Variants in COPS5 observed in about 807,000 individuals in gnomAD.
The protein encoded by COPS5 is COP9 signalosome subunit 5.
In COPS5, 8 loss-of-function variants were observed where a neutral mutation model predicts 44.4. The observed-to-expected ratio is 0.18, with a 90% confidence interval of 0.11 to 0.32. The LOEUF (loss-of-function observed/expected upper bound fraction) is 0.32. Ranked by LOEUF, COPS5 falls within the 10% of genes least tolerant of loss-of-function variation. The probability of loss-of-function intolerance (pLI) is 1.00; values close to 1 mark genes in which losing one functional copy is unlikely to be tolerated. For missense variants in COPS5, 159 were observed against 406.4 expected (o/e 0.39, Z 5.23); for synonymous variants, 122 against 142.8 (o/e 0.85, Z 1.04).
intron 7 of COPS5, 86 bp downstream of exon 7, chr8:67,045,726 A>G (rs1320787132): frequency 7.6e-7 from 1 of 1,314,158 alleles, no homozygotes; most frequent in East Asian, 2.3e-5. Context: ...AACTTGAGCC[A>G]TAAGGAATCT....
At chr8:67,044,307 A>G (rs1816672623) in intron 7 of COPS5, 1 of 152,106 alleles carries the variant, frequency 6.6e-6, no homozygotes, top group Non-Finnish European at 1.5e-5. Flanking sequence ...TTGGCCTCCC[A>G]AAGGGCTGGG....
intron 5 of COPS5, among the ~76,000 whole-genome samples, chr8:67,055,579 G>A (rs1425787290): frequency 6.6e-6 from 1 of 152,008 alleles, no homozygotes; most frequent in African/African-American, 2.4e-5. Context: ...ATCAAAAAAG[G>A]TACGTAGGCC....
intron 6 of COPS5, among the ~76,000 whole-genome samples, chr8:67,046,573 C>A (rs1011688941): frequency 6.6e-6 from 1 of 152,000 alleles, no homozygotes; most frequent in African/African-American, 2.4e-5. Flanking sequence ...GTAATCCCAG[C>A]ATTTTGAGAG....
intron 3 of COPS5, 96 bp downstream of exon 3, chr8:67,057,987 G>A (rs1804536665): frequency 3.8e-6 from 5 of 1,311,430 alleles, no homozygotes; most frequent in Non-Finnish European, 5.4e-6. Context: ...TGATACCAGA[G>A]CAATTTCTCT....
chr8:67,045,505 A>C lies in COPS5; in HGVS notation c.920+307T>G, dbSNP rs183482702. 2 of 309,378 alleles carry C rather than the reference A, an allele frequency of 6.5e-6. 1 individual carries two copies. The highest frequency in any genetic ancestry group is 1.2e-5 in the Non-Finnish European group (2 of 164,668). The allele number at this position is 309,378 out of a possible 1,614,324, so 19.2% of individuals were successfully genotyped here. On this transcript the variant is annotated intron_variant, in intron 7 of 7. Coordinates refer to ENST00000357849, the MANE Select transcript of COPS5 (RefSeq NM_006837.3). The stretch of plus-strand genomic sequence containing the variant: ...CACACATACACACACACACACTTTA[A>C]AGATCCACTTAAGGGCTGCTTTTGT...
At chr8:67,045,746 T>C in intron 7 of COPS5, 66 bp downstream of exon 7, 2 of 1,531,674 alleles carry the variant, frequency 1.3e-6, no homozygotes, top group Non-Finnish European at 1.8e-6. Flanking sequence ...TGAATACTAC[T>C]ATTGTTTGCA....
intron 4 of COPS5, among the ~76,000 whole-genome samples, 153 bp from the exon 5 acceptor site, chr8:67,056,757 T>TTATTAAC (rs1375820320): frequency 1.4e-5 from 2 of 139,358 alleles, no homozygotes; most frequent in African/African-American, 5.3e-5. Context: ...AATAATAGGA[T>TTATTAAC]TATTAACTTT....
intron 1 of COPS5, chr8:67,060,682 A>G (rs1804581651): frequency 3.1e-6 from 1 of 318,170 alleles, no homozygotes; most frequent in Middle Eastern, 6.1e-4. Context: ...ACAAATGAAG[A>G]TGGATAAGTA....
chr8:67,059,151 C>T, intron 2 of COPS5, 60 bp downstream of exon 2: 1 of 1,235,772 alleles, frequency 8.1e-7, no homozygotes, highest in Non-Finnish European at 1.2e-6. Flanking sequence ...TTTAGAAACT[C>T]AAAAGTCACC....
At chr8:67,056,400 G>T in intron 5 of COPS5, 119 bp downstream of exon 5, 2 of 351,372 alleles carry the variant, frequency 5.7e-6, no homozygotes, top group Non-Finnish European at 1.1e-5. Flanking sequence ...TCACTATGTT[G>T]CCCAGGCTAG....
chr8:67,056,846 TG>T (rs1804521661), intron 4 of COPS5, among the ~76,000 whole-genome samples: 1 of 151,604 alleles, frequency 6.6e-6, no homozygotes, highest in African/African-American at 2.4e-5. Context: ...GTTTGGTGGC[TG>T]TAGGCTGGAT....
intron 5 of COPS5, among the ~76,000 whole-genome samples, chr8:67,056,178 T>A (rs1472242230): frequency 2.0e-5 from 3 of 152,134 alleles, no homozygotes; most frequent in South Asian, 2.1e-4. Context: ...GAAAAAAATT[T>A]AAAAATGCAA....
At chr8:67,051,186 C>T in intron 6 of COPS5, 44 bp downstream of exon 6, 1 of 1,231,914 alleles carries the variant, frequency 8.1e-7, no homozygotes, top group South Asian at 1.2e-5. Context: ...GGCTATGAAG[C>T]TTAGATAAAA....
chr8:67,058,461 AT>A (rs1215652299), intron 2 of COPS5, among the ~76,000 whole-genome samples: 13 of 152,104 alleles, frequency 8.5e-5, no homozygotes, highest in Admixed American at 7.2e-4. Context: ...TAACATAATA[AT>A]GTTTTACACT....
At chr8:67,061,220 C>T (rs1453414359) in intron 1 of COPS5, 1 of 269,450 alleles carries the variant, frequency 3.7e-6, no homozygotes, top group East Asian at 1.2e-4. Context: ...TAATTTCTGG[C>T]TTATGGGAAC....
intron 6 of COPS5, among the ~76,000 whole-genome samples, chr8:67,048,967 C>G (rs1462264538): frequency 6.6e-6 from 1 of 152,112 alleles, no homozygotes; most frequent in Non-Finnish European, 1.5e-5. Context: ...TCATTCAGAA[C>G]TAGTAAAGTG....
intron 1 of COPS5, 26 bp downstream of exon 1, chr8:67,061,828 C>T (rs764146531): frequency 5.6e-6 from 9 of 1,612,586 alleles, no homozygotes; most frequent in Non-Finnish European, 7.6e-6. Context: ...TTTCCCTCCC[C>T]TGCGTCTCGC....
chr8:67,046,454 C>T (rs16933142), intron 6 of COPS5, among the ~76,000 whole-genome samples: 141 of 152,182 alleles, frequency 9.3e-4, no homozygotes, highest in African/African-American at 3.1e-3. Flanking sequence ...GTAATATTAG[C>T]TAATTTTGCT....
At position 67,051,260 on chromosome 8, in the gene COPS5, C is replaced by T. The variant is rs755573924; in HGVS notation, c.741G>A (p.Val247=). Residue 247 remains valine, a synonymous_variant, in exon 6 of 8, where the codon GTG becomes GTA. Transcript: ENST00000357849. The part of the protein sequence containing the change: ...LLELLWNKYW[V]NTLSSSSLLT... ...GCAAGCTAGAAGAACTCAACGTATT[C>T]ACCCAGTATTTATTCCACAACAGCT... 6.2e-7 allele frequency: 1 copy of T among 1,610,452 alleles called. No individual in the cohort carries two copies. Among genetic ancestry groups the T allele is most frequent in the Admixed American group, 1.7e-5 (1 of 60,006 alleles).
Sources: gnomAD v4.1 joint callset for allele counts (sites outside exome capture counted in the v4.1 genomes callset) on GRCh38, gnomAD v4.1.1 for gene constraint, MANE v1.5 for transcripts, NCBI Gene and HGNC (gene_info 2026-07-23, HGNC 2026-07-21) for gene names.